Variants in STX3 observed in about 807,000 individuals in gnomAD.
STX3 encodes the protein syntaxin 3.
STX3 carries 19 observed loss-of-function variants against 40.2 expected under a neutral mutation model. The observed-to-expected ratio is 0.47, with a 90% CI of 0.33 to 0.69. The LOEUF is 0.69. STX3 is among the 30% of genes least tolerant of loss of function. The pLI is 0.02. For missense variants in STX3, 364 were observed against 366.7 expected (o/e 0.99, Z 0.06); for synonymous variants, 122 against 132.2 (o/e 0.92, Z 0.53).
chr11:59,771,636 G>T (rs897450581), intron 1 of STX3, among the ~76,000 whole-genome samples: 3 of 152,078 alleles, frequency 2.0e-5, no homozygotes, highest in Non-Finnish European at 4.4e-5. Context: ...ATGCCTTTCA[G>T]CAGAACTCCC....
intron 1 of STX3, among the ~76,000 whole-genome samples, chr11:59,762,477 C>G (rs1293908745): frequency 6.6e-6 from 1 of 152,246 alleles, no homozygotes; most frequent in East Asian, 1.9e-4. Context: ...TAGAAGGATC[C>G]TCACTCAGCA....
rs111417259 is a variant in STX3, at chr11:59,802,289, A to C, written c.*1465A>C. On this transcript the variant is annotated 3_prime_UTR_variant, in exon 11 of 11. Coordinates refer to ENST00000337979, the MANE Select transcript of STX3 (RefSeq NM_004177.5). Reference sequence around the variant, plus strand: ...TCAAGTGTAGTGTCTGTGCTAACCCAGTGGTAAATCCCTTAGATCCCCTGC... The same window carrying C: ...TCAAGTGTAGTGTCTGTGCTAACCCCGTGGTAAATCCCTTAGATCCCCTGC... The C allele has an allele frequency of 9.1e-5, 90 of 985,454 alleles. No homozygotes were observed. The African/African-American group carries it at 1.5e-3, about 16-fold the overall frequency. The allele number at this position is 985,454 out of a possible 1,614,324, so 61.0% of individuals were successfully genotyped here.
intron 8 of STX3, among the ~76,000 whole-genome samples, chr11:59,794,309 T>C (rs1015064071): frequency 6.6e-6 from 1 of 152,212 alleles, no homozygotes; most frequent in African/African-American, 2.4e-5. Context: ...TGGTTCCTAG[T>C]TCTTATGGGA....
chr11:59,755,750 C>G lies in STX3; in HGVS notation c.30+115C>G, dbSNP rs563829165. On this transcript the variant is annotated intron_variant, in intron 1 of 10. Coordinates refer to ENST00000337979, the MANE Select transcript of STX3 (RefSeq NM_004177.5). ...GGCCCGAGCCGGAGGCTTGCCCTCC[C>G]CAAGCCCCCACCGCTTCCCGCGCCG... 7.8e-4 allele frequency: 1,067 copies of G among 1,360,944 alleles called. 2 individuals carry two copies. The highest frequency in any genetic ancestry group is 1.8e-3 in the South Asian group (121 of 66,720). The allele number at this position is 1,360,944 out of a possible 1,614,324, so 84.3% of individuals were successfully genotyped here.
At chr11:59,771,392 G>GCCCC (rs1863620232) in intron 1 of STX3, among the ~76,000 whole-genome samples, 1 of 49,132 alleles carries the variant, frequency 2.0e-5, no homozygotes. Context: ...TTTGCCCCCC[G>GCCCC]TCCCCCCACC....
intron 2 of STX3, chr11:59,781,769 A>G: frequency 6.5e-7 from 1 of 1,528,300 alleles, no homozygotes; most frequent in Non-Finnish European, 8.9e-7. Flanking sequence ...TGTTTTCTAA[A>G]GCAAAGAAGC....
intron 6 of STX3, 120 bp downstream of exon 6, chr11:59,792,335 G>A (rs1156257620): frequency 1.4e-6 from 1 of 740,492 alleles, no homozygotes; most frequent in African/African-American, 1.8e-5. Context: ...GTCTAGGGCA[G>A]CTCCTGCACC....
At chr11:59,792,537 A>AAAAAGTGTGGTGTAAGTTGCTGGGAGGAT (rs1377606369) in intron 6 of STX3, among the ~76,000 whole-genome samples, 2 of 152,234 alleles carry the variant, frequency 1.3e-5, no homozygotes, top group African/African-American at 4.8e-5. Context: ...TTTAAGAAAT[A>AAAAAGTGTGGTGTAAGTTGCTGGGAGGAT]AAAAGTGTGG....
intron 4 of STX3, among the ~76,000 whole-genome samples, chr11:59,789,744 C>T (rs1161242825): frequency 6.6e-6 from 1 of 152,108 alleles, no homozygotes; most frequent in Non-Finnish European, 1.5e-5. Flanking sequence ...TGCCCGGCCA[C>T]CTACATACAT....
chr11:59,781,100 T>TTTTTTTTTTATA (rs963410109), intron 2 of STX3, among the ~76,000 whole-genome samples: 23 of 146,356 alleles, frequency 1.6e-4, no homozygotes, highest in Admixed American at 9.6e-4. Context: ...TTTTTTTTTT[T>TTTTTTTTTTATA]TATATTAGCA....
At chr11:59,758,995 G>A (rs186389162) in intron 1 of STX3, among the ~76,000 whole-genome samples, 22 of 152,330 alleles carry the variant, frequency 1.4e-4, no homozygotes, top group African/African-American at 4.8e-4. Context: ...ACCACAGGAA[G>A]ACCCTGTTGG....
Position 59,804,980 on chromosome 11 carries a change from CAG to C in STX3, c.*4158_*4159del, listed in dbSNP as rs1866023887. The C allele has an allele frequency of 6.6e-6, 1 of 152,144 alleles. No individual in the cohort carries two copies. Among genetic ancestry groups the C allele is most frequent in the African/African-American group, 2.4e-5 (1 of 41,400 alleles). The allele number at this position is 152,144 out of a possible 1,614,324, so 9.4% of individuals were successfully genotyped here. On this transcript the variant is annotated 3_prime_UTR_variant, in exon 11 of 11. Coordinates refer to ENST00000337979, the MANE Select transcript of STX3 (RefSeq NM_004177.5). Reference sequence around the variant, plus strand: ...TGGGAGGCCAAGGCAGGTGGATCACCAGACTGACCAACATAGTGAAACCCCCT... The same window carrying C: ...TGGGAGGCCAAGGCAGGTGGATCACCACTGACCAACATAGTGAAACCCCCT...
chr11:59,795,553 T>G, intron 9 of STX3, 71 bp downstream of exon 9: 1 of 1,550,750 alleles, frequency 6.4e-7, no homozygotes, highest in South Asian at 1.2e-5. Flanking sequence ...TTCTCTTCCC[T>G]CTCCCTGTCT....
At chr11:59,770,513 C>T (rs76021031) in intron 1 of STX3, among the ~76,000 whole-genome samples, 15,765 of 151,938 alleles carry the variant, frequency 0.1, 1,151 homozygotes, top group African/African-American at 0.2. Context: ...TTGACTCACT[C>T]TCCTAGAGGA....
chr11:59,801,078 T>C lies in STX3; in HGVS notation c.*254T>C. ...CTGCCCCACCAGCTCTCAAGTACCT[T>C]TTCTCCTGGACTGTGTGGACCCACC... is the stretch of plus-strand genomic sequence containing the variant. On this transcript the variant is annotated 3_prime_UTR_variant, in exon 11 of 11. Transcript: ENST00000337979. The C allele has an allele frequency of 6.9e-7, 1 of 1,452,632 alleles. No individual in the cohort carries two copies. The highest frequency in any genetic ancestry group is 9.0e-7 in the Non-Finnish European group (1 of 1,105,258). 90.0% of individuals were successfully genotyped at this position (1,452,632 alleles called of 1,614,324 possible).
At position 59,791,977 on chromosome 11, in the gene STX3, A is replaced by T. The variant is rs1865196318; in HGVS notation, c.358-130A>T. On this transcript the variant is annotated intron_variant, in intron 5 of 10. Transcript: ENST00000337979. ...GTGGCACAAAGCTAGGAAACAAAAA[A>T]CTTGGTTTGACACCTGGTTTTTTGA... 5.3e-6 allele frequency: 4 copies of T among 750,544 alleles called. No individual in the cohort carries two copies. The East Asian group carries it at 1.1e-4, about 20-fold the overall frequency. The allele number at this position is 750,544 out of a possible 1,614,324, so 46.5% of individuals were successfully genotyped here. A position where few individuals can be genotyped will look rare whatever the true frequency, so the allele number is the denominator to read the frequency against.
In STX3 at chr11:59,803,194, T is replaced by C. The variant is rs1865962733; in HGVS notation, c.*2370T>C. 8.1e-7 allele frequency: 1 copy of C among 1,231,608 alleles called. No homozygotes were observed. Among genetic ancestry groups the C allele is most frequent in the Admixed American group, 4.2e-5 (1 of 23,702 alleles). The allele number at this position is 1,231,608 out of a possible 1,614,324, so 76.3% of individuals were successfully genotyped here. A position where few individuals can be genotyped will look rare whatever the true frequency, so the allele number is the denominator to read the frequency against. On this transcript the variant is annotated 3_prime_UTR_variant, in exon 11 of 11. Transcript: ENST00000337979. ...TGCGATGATGTTTCTCATGTATTCT[T>C]TCTTTCCTTGTCTGGATGAGCAGAA...
chr11:59,795,280 C>G, intron 8 of STX3, 92 bp from the exon 9 acceptor site: 2 of 1,072,736 alleles, frequency 1.9e-6, no homozygotes, highest in South Asian at 1.5e-5. Context: ...CTTCTTGCCA[C>G]TGAAGATTGT....
chr11:59,797,254 A>G (rs1865577843), intron 9 of STX3, 29 bp from the exon 10 acceptor site: 1 of 1,576,816 alleles, frequency 6.3e-7, no homozygotes, highest in Admixed American at 1.7e-5. Flanking sequence ...TGTAATAATG[A>G]TTTGTTTTTG....
Sources: allele counts gnomAD v4.1 joint callset (sites outside exome capture counted in the v4.1 genomes callset), GRCh38; gene constraint gnomAD v4.1.1; transcripts MANE v1.5; gene names NCBI Gene and HGNC (gene_info 2026-07-23, HGNC 2026-07-21).